The following YAP1 variants were observed in gnomAD, a reference collection of about 807,000 sequenced individuals.
YAP1 encodes the protein transcriptional coactivator YAP1.
A neutral mutation model predicts 56.9 loss-of-function variants in YAP1; 5 were observed. The ratio of observed to expected loss-of-function variants is 0.09; its 90% CI spans 0.05 to 0.18. The LOEUF (loss-of-function observed/expected upper bound fraction) is 0.18, where lower values mean the gene tolerates loss of function less well. Among genes scored for constraint, YAP1 ranks in the 10% least tolerant of loss-of-function variants. The pLI is 1.00. For synonymous variants in YAP1, 265 were observed against 248.1 expected (o/e 1.07, Z -0.64); for missense variants, 539 against 651.8 (o/e 0.83, Z 1.88).
intron 2 of YAP1, among the ~76,000 whole-genome samples, chr11:102,153,418 T>A (rs1282378348): frequency 6.6e-6 from 1 of 152,010 alleles, no homozygotes; most frequent in Non-Finnish European, 1.5e-5. Flanking sequence ...TTTGTCTTCT[T>A]TTTAAAAAGG....
At chr11:102,200,921 A>G (rs1235211585) in intron 4 of YAP1, among the ~76,000 whole-genome samples, 4 of 152,194 alleles carry the variant, frequency 2.6e-5, no homozygotes, top group Non-Finnish European at 5.9e-5. Context: ...GAAACCCAAA[A>G]TTGGCAAGTC....
Position 102,227,596 on chromosome 11 carries a change from T to C in YAP1, c.1276+15T>C. On this transcript the variant is annotated intron_variant, in intron 8 of 8. Coordinates refer to ENST00000282441, the MANE Select transcript of YAP1 (RefSeq NM_001130145.3). ...GATGGATACAGGTTGGTATTCTTTA[T>C]TCCTCTTAGTAACCTGACTTAACAG... is the stretch of plus-strand genomic sequence containing the variant. The C allele has an allele frequency of 6.4e-7, 1 of 1,556,614 alleles. No homozygotes were observed. Among genetic ancestry groups the C allele is most frequent in the Non-Finnish European group, 8.9e-7 (1 of 1,129,106 alleles).
chr11:102,156,423 G>C (rs922829729), intron 2 of YAP1, among the ~76,000 whole-genome samples: 1 of 152,080 alleles, frequency 6.6e-6, no homozygotes, highest in African/African-American at 2.4e-5. Context: ...AGGTTGTTTG[G>C]GAACCACATT....
At chr11:102,175,153 A>T (rs1237432023) in intron 3 of YAP1, among the ~76,000 whole-genome samples, 2 of 152,148 alleles carry the variant, frequency 1.3e-5, no homozygotes, top group African/African-American at 4.8e-5. Flanking sequence ...TAGTATCATT[A>T]GTTTGGGAGG....
chr11:102,124,678 C>G (rs551838632), intron 2 of YAP1, among the ~76,000 whole-genome samples: 1 of 151,968 alleles, frequency 6.6e-6, no homozygotes, highest in African/African-American at 2.4e-5. Flanking sequence ...GTTATGTTTT[C>G]TGGGAGATCC....
At chr11:102,149,381 A>G (rs1442884807) in intron 2 of YAP1, among the ~76,000 whole-genome samples, 1 of 152,220 alleles carries the variant, frequency 6.6e-6, no homozygotes, top group Non-Finnish European at 1.5e-5. Flanking sequence ...AGAAATTGAT[A>G]GGATACCTTC....
intron 6 of YAP1, 123 bp downstream of exon 6, chr11:102,209,687 G>C: frequency 1.1e-6 from 1 of 893,856 alleles, no homozygotes; most frequent in Non-Finnish European, 1.6e-6. Flanking sequence ...ATAACTTTGA[G>C]CCATCTTTCT....
At chr11:102,145,921 T>C (rs964539430) in intron 2 of YAP1, among the ~76,000 whole-genome samples, 15 of 152,198 alleles carry the variant, frequency 9.9e-5, no homozygotes, top group Admixed American at 7.9e-4. Flanking sequence ...AGGACAAAAG[T>C]GGCTATGAAG....
chr11:102,182,067 C>T (rs1947658372), intron 3 of YAP1, among the ~76,000 whole-genome samples: 1 of 152,288 alleles, frequency 6.6e-6, no homozygotes, highest in Admixed American at 6.5e-5. Context: ...TGATCCCCTG[C>T]CTCAGCCTCC....
intron 4 of YAP1, among the ~76,000 whole-genome samples, chr11:102,202,211 G>A (rs948545082): frequency 1.3e-5 from 2 of 151,608 alleles, no homozygotes; most frequent in East Asian, 1.9e-4. Flanking sequence ...CCAGGCTGGA[G>A]TGCAGTGGCG....
intron 7 of YAP1, 48 bp from the exon 8 acceptor site, chr11:102,227,421 G>A: frequency 7.3e-7 from 1 of 1,364,274 alleles, no homozygotes; most frequent in Non-Finnish European, 1.0e-6. Context: ...ACCTTGAATT[G>A]ATTTTTAAAA....
At chr11:102,152,098 A>G (rs980459561) in intron 2 of YAP1, among the ~76,000 whole-genome samples, 1 of 152,196 alleles carries the variant, frequency 6.6e-6, no homozygotes, top group African/African-American at 2.4e-5. Flanking sequence ...GAAATGCCCA[A>G]CACCTGGGAG....
chr11:102,111,751 G>C (rs1055520187), intron 1 of YAP1, among the ~76,000 whole-genome samples: 2 of 152,156 alleles, frequency 1.3e-5, no homozygotes, highest in African/African-American at 2.4e-5. Flanking sequence ...TTGTTCTCTT[G>C]TTTTCCAGTG....
At chr11:102,154,051 C>T (rs970567490) in intron 2 of YAP1, among the ~76,000 whole-genome samples, 1 of 152,012 alleles carries the variant, frequency 6.6e-6, no homozygotes, top group African/African-American at 2.4e-5. Context: ...CTATTAGTAA[C>T]ATTTTCTACC....
rs183311555 is a variant in YAP1 at position 102,172,745 on chromosome 11, A to G, written c.688+10174A>G. ...AAATAGACCAGTTATGGTCAGAGTG[A>G]TAGGCTGGGGATGGAGGGAGATGAT... On this transcript the variant is annotated intron_variant, in intron 3 of 8. Coordinates refer to ENST00000282441, the MANE Select transcript of YAP1 (RefSeq NM_001130145.3). 3.3e-5 allele frequency among the ~76,000 whole-genome samples: 5 copies of G among 152,242 alleles called. No homozygotes were observed. In the East Asian group the frequency reaches 9.7e-4, roughly 29 times the overall value.
chr11:102,128,531 A>G (rs1254744498), intron 2 of YAP1, among the ~76,000 whole-genome samples: 1 of 152,224 alleles, frequency 6.6e-6, no homozygotes, highest in Non-Finnish European at 1.5e-5. Flanking sequence ...AGTCTCAGGT[A>G]TATCTTTATC....
At chr11:102,196,782 C>G (rs561963596) in intron 4 of YAP1, among the ~76,000 whole-genome samples, 1 of 152,052 alleles carries the variant, frequency 6.6e-6, no homozygotes, top group East Asian at 1.9e-4. Context: ...GGCATGATGT[C>G]ATTTAGGTAT....
chr11:102,144,007 A>T (rs1277581254), intron 2 of YAP1, among the ~76,000 whole-genome samples: 2 of 152,230 alleles, frequency 1.3e-5, no homozygotes, highest in Non-Finnish European at 2.9e-5. Context: ...AAGCAAATGT[A>T]GAGGCTGACA....
chr11:102,201,017 C>T (rs1051741654), intron 4 of YAP1, among the ~76,000 whole-genome samples: 3 of 151,988 alleles, frequency 2.0e-5, no homozygotes, highest in South Asian at 4.2e-4. Context: ...GTAAATTTGG[C>T]GATATCTAGC....
Sources: gnomAD v4.1 joint callset for allele counts (sites outside exome capture counted in the v4.1 genomes callset) on GRCh38, gnomAD v4.1.1 for gene constraint, MANE v1.5 for transcripts, NCBI Gene and HGNC (gene_info 2026-07-23, HGNC 2026-07-21) for gene names.